The following SAMD12 variants were observed in gnomAD, a reference collection of about 807,000 sequenced individuals.
SAMD12 encodes sterile alpha motif domain containing 12, also known as sterile alpha motif domain-containing protein 12.
SAMD12 carries 9 observed loss-of-function variants against 15.0 expected under a neutral mutation model. That is an observed-to-expected ratio of 0.60 (90% confidence interval 0.36 to 1.05). The LOEUF is 1.05. SAMD12 is among the 50% of genes least tolerant of loss of function. The pLI is 0.01. For missense variants in SAMD12, 230 were observed against 234.2 expected, an observed-to-expected ratio of 0.98 and a Z score of 0.12; for synonymous variants, 86 against 90.1, an observed-to-expected ratio of 0.96 and a Z score of 0.25.
chr8:118,270,072 T>C (rs1302919233), intron 4 of SAMD12, among the ~76,000 whole-genome samples: 1 of 152,208 alleles, frequency 6.6e-6, no homozygotes, highest in Non-Finnish European at 1.5e-5. Flanking sequence ...AGTTAGAGTT[T>C]TCTGCAGTAA....
chr8:118,355,303 G>C (rs1409772386), intron 4 of SAMD12, among the ~76,000 whole-genome samples: 1 of 152,162 alleles, frequency 6.6e-6, no homozygotes, highest in Non-Finnish European at 1.5e-5. Context: ...GCCAAACATT[G>C]TATGTTCTCA....
chr8:118,228,040 C>T (rs1812223442), intron 4 of SAMD12, among the ~76,000 whole-genome samples: 1 of 152,170 alleles, frequency 6.6e-6, no homozygotes, highest in African/African-American at 2.4e-5. Context: ...GAGGAAAGGA[C>T]ACCCTTTTCA....
chr8:118,449,543 G>A (rs1227916274), intron 2 of SAMD12, among the ~76,000 whole-genome samples: 1 of 150,910 alleles, frequency 6.6e-6, no homozygotes, highest in East Asian at 2.0e-4. Context: ...CGGGCGTGGT[G>A]GCTCACACCT....
chr8:118,486,425 A>AG (rs1554672802), intron 2 of SAMD12, among the ~76,000 whole-genome samples: 8,895 of 149,336 alleles, frequency 0.06, 602 homozygotes, highest in African/African-American at 0.16. Flanking sequence ...AAAAAAAAAA[A>AG]AGAGAGAGAG....
At chr8:118,572,515 T>C (rs570037378) in intron 2 of SAMD12, among the ~76,000 whole-genome samples, 1 of 152,204 alleles carries the variant, frequency 6.6e-6, no homozygotes, top group Non-Finnish European at 1.5e-5. Flanking sequence ...AGGAGGGACA[T>C]AGTGGGAGGT....
rs1334514516 is a variant in SAMD12 at position 118,272,135 on chromosome 8, G to T, written c.434-74403C>A. On this transcript the variant is annotated intron_variant, in intron 4 of 4. Transcript: ENST00000409003. ...GAGCAAACTTCTGCCAGGACATCCA[G>T]GCATTTCCATACATCCTCTGAAATC... 2.0e-5 allele frequency among the ~76,000 whole-genome samples: 3 copies of T among 152,216 alleles called. No individual in the cohort carries two copies. The East Asian group carries it at 5.8e-4, about 29-fold the overall frequency.
chr8:118,460,967 C>T (rs1823402251), intron 2 of SAMD12, among the ~76,000 whole-genome samples: 1 of 152,184 alleles, frequency 6.6e-6, no homozygotes, highest in South Asian at 2.1e-4. Flanking sequence ...AAAATGCCTG[C>T]CCCTTTTCTG....
chr8:118,580,963 T>C, intron 1 of SAMD12, 70 bp from the exon 2 acceptor site: 1 of 1,241,056 alleles, frequency 8.1e-7, no homozygotes. Context: ...CAGAAAATAT[T>C]CATCAAGCCT....
At chr8:118,591,607 A>G (rs549416667) in intron 1 of SAMD12, among the ~76,000 whole-genome samples, 2 of 152,338 alleles carry the variant, frequency 1.3e-5, no homozygotes, top group Non-Finnish European at 2.9e-5. Context: ...AAGGATAAAT[A>G]CAGTATAGAC....
chr8:118,315,251 C>A (rs964582707), intron 4 of SAMD12, among the ~76,000 whole-genome samples: 1 of 152,120 alleles, frequency 6.6e-6, no homozygotes, highest in African/African-American at 2.4e-5. Context: ...TAACAAAATT[C>A]CCAAAAAGTG....
chr8:118,415,448 G>GGGGTGT (rs1554658041), intron 3 of SAMD12, among the ~76,000 whole-genome samples: 24 of 142,952 alleles, frequency 1.7e-4, no homozygotes, highest in African/African-American at 3.9e-4. Context: ...CTTGTCCTAA[G>GGGGTGT]GTGTGTGTGT....
chr8:118,182,184 G>T, the SAMD12 span, among the ~76,000 whole-genome samples: 1 of 152,128 alleles, frequency 6.6e-6, no homozygotes, highest in South Asian at 2.1e-4. Context: ...ATTTTTCTCA[G>T]ACTTACATGG....
At chr8:118,547,663 G>A (rs1011661498) in intron 2 of SAMD12, among the ~76,000 whole-genome samples, 1 of 152,132 alleles carries the variant, frequency 6.6e-6, no homozygotes, top group Admixed American at 6.5e-5. Context: ...TAGGGTGAGA[G>A]CATACTGAAT....
chr8:118,364,620 G>A (rs1818673956), intron 4 of SAMD12, among the ~76,000 whole-genome samples: 1 of 152,186 alleles, frequency 6.6e-6, no homozygotes, highest in Admixed American at 6.5e-5. Flanking sequence ...GTCAACTGCG[G>A]TGAAGCTGTG....
At chr8:118,527,983 A>T (rs1825575675) in intron 2 of SAMD12, among the ~76,000 whole-genome samples, 1 of 151,922 alleles carries the variant, frequency 6.6e-6, no homozygotes, top group Non-Finnish European at 1.5e-5. Flanking sequence ...TGATATTTTT[A>T]ATCACGTGAT....
At chr8:118,145,925 G>T in the SAMD12 span, among the ~76,000 whole-genome samples, 3 of 152,226 alleles carry the variant, frequency 2.0e-5, no homozygotes, top group Non-Finnish European at 4.4e-5. Context: ...AACAGCTGGA[G>T]GCTGTCAGCT....
intron 4 of SAMD12, among the ~76,000 whole-genome samples, chr8:118,198,379 ATTTAAATTG>A (rs1169274427): frequency 6.6e-6 from 1 of 152,168 alleles, no homozygotes; most frequent in Non-Finnish European, 1.5e-5. Context: ...GAGTGTTCTA[ATTTAAATTG>A]TCTAAAGTTC....
At chr8:118,334,427 T>C (rs959289476) in intron 4 of SAMD12, among the ~76,000 whole-genome samples, 2 of 152,182 alleles carry the variant, frequency 1.3e-5, no homozygotes, top group South Asian at 4.1e-4. Context: ...ATCTAAGATA[T>C]GTAGGAGATT....
At chr8:118,289,148 C>T (rs1424826998) in intron 4 of SAMD12, among the ~76,000 whole-genome samples, 11 of 152,166 alleles carry the variant, frequency 7.2e-5, no homozygotes, top group Admixed American at 7.2e-4. Context: ...CACCTCAAGA[C>T]AGTCATCTCA....
Sources: gnomAD v4.1 joint callset for allele counts (sites outside exome capture counted in the v4.1 genomes callset) on GRCh38, gnomAD v4.1.1 for gene constraint, MANE v1.5 for transcripts, NCBI Gene and HGNC (gene_info 2026-07-23, HGNC 2026-07-21) for gene names.